OXR1: variants seen among roughly 807,000 people sequenced by gnomAD.
OXR1 encodes oxidation resistance 1, also known as oxidation resistance protein 1.
OXR1 carries 41 observed loss-of-function variants against 104.6 expected under a neutral mutation model. The observed-to-expected ratio is 0.39, with a 90% CI of 0.31 to 0.51. The LOEUF (loss-of-function observed/expected upper bound fraction) is 0.51. Among genes scored for constraint, OXR1 ranks in the 20% least tolerant of loss-of-function variants. OXR1 has a pLI of 0.77. For synonymous variants in OXR1, 348 were observed against 348.4 expected (o/e 1.00, Z 0.01); for missense variants, 955 against 1,031.9 (o/e 0.93, Z 1.02).
chr8:106,735,440 T>TC (rs1236001577), intron 11 of OXR1, among the ~76,000 whole-genome samples: 4 of 152,186 alleles, frequency 2.6e-5, no homozygotes, highest in African/African-American at 9.6e-5. Flanking sequence ...TAACTCCTAC[T>TC]CTCAGCAATG....
chr8:106,591,821 A>G (rs991815106), intron 3 of OXR1, among the ~76,000 whole-genome samples: 2 of 152,250 alleles, frequency 1.3e-5, no homozygotes, highest in African/African-American at 2.4e-5. Context: ...ACATTTTACA[A>G]TCCATTTCTC....
At chr8:106,375,109 T>C (rs2130387307) in intron 2 of OXR1, among the ~76,000 whole-genome samples, 1 of 152,360 alleles carries the variant, frequency 6.6e-6, no homozygotes, top group Non-Finnish European at 1.5e-5. Flanking sequence ...CTGAGGTTTT[T>C]ATAGTATCAT....
At chr8:106,546,250 A>T (rs539476007) in intron 3 of OXR1, among the ~76,000 whole-genome samples, 1 of 152,262 alleles carries the variant, frequency 6.6e-6, no homozygotes, top group East Asian at 1.9e-4. Context: ...GTAATTCCAC[A>T]TGGGGATATG....
chr8:106,685,733 A>G (rs1828643323), intron 6 of OXR1, among the ~76,000 whole-genome samples: 1 of 152,054 alleles, frequency 6.6e-6, no homozygotes, highest in Admixed American at 6.6e-5. Flanking sequence ...TCCTTAAAGA[A>G]CTAAAAGTAC....
At chr8:106,738,522 G>A (rs1834607766) in intron 12 of OXR1, among the ~76,000 whole-genome samples, 1 of 151,940 alleles carries the variant, frequency 6.6e-6, no homozygotes, top group Non-Finnish European at 1.5e-5. Context: ...CACAGTTGCT[G>A]AGCGTTGCTG....
chr8:106,742,266 C>T lies in OXR1; in HGVS notation c.2361C>T (p.Gly787=). The change falls in exon 15 of 17, where the codon GGC becomes GGT. Residue 787 remains glycine, a synonymous_variant. Transcript: ENST00000517566. ...CTGAGCCACTGAAAGTGAGTGATGG[C>T]TTTTATGGTACTGGAGAGACCTTTG... ...LASEPLKVSD[G]FYGTGETFVF... is the part of the protein sequence containing the mutation. 6.2e-7 allele frequency: 1 copy of T among 1,611,828 alleles called. No homozygotes were observed. The highest frequency in any genetic ancestry group is 8.5e-7 in the Non-Finnish European group (1 of 1,178,248).
At chr8:106,509,770 A>T (rs1027470749) in intron 2 of OXR1, among the ~76,000 whole-genome samples, 1 of 152,092 alleles carries the variant, frequency 6.6e-6, no homozygotes, top group African/African-American at 2.4e-5. Context: ...AGCTCCAACA[A>T]ACATTCTTTA....
At chr8:106,623,322 T>A (rs369279142) in intron 3 of OXR1, among the ~76,000 whole-genome samples, 11 of 152,104 alleles carry the variant, frequency 7.2e-5, no homozygotes, top group African/African-American at 2.2e-4. Context: ...GTATATTTTT[T>A]AAAAGCAACC....
At chr8:106,640,378 G>A (rs1187890942) in intron 3 of OXR1, among the ~76,000 whole-genome samples, 1 of 150,896 alleles carries the variant, frequency 6.6e-6, no homozygotes, top group African/African-American at 2.4e-5. Context: ...ATATGCATAT[G>A]TATATATACA....
At chr8:106,416,714 G>A (rs1246919627) in intron 2 of OXR1, among the ~76,000 whole-genome samples, 1 of 151,976 alleles carries the variant, frequency 6.6e-6, no homozygotes, top group African/African-American at 2.4e-5. Context: ...GAGGTATGAA[G>A]CATATTTGGC....
At chr8:106,509,833 G>A (rs979694473) in intron 2 of OXR1, among the ~76,000 whole-genome samples, 7 of 152,186 alleles carry the variant, frequency 4.6e-5, no homozygotes, top group African/African-American at 1.2e-4. Flanking sequence ...GTGCAGTGGC[G>A]AGATCTCAGC....
intron 12 of OXR1, among the ~76,000 whole-genome samples, chr8:106,738,941 G>T (rs1834650315): frequency 1.3e-5 from 2 of 152,026 alleles, no homozygotes; most frequent in South Asian, 2.1e-4. Flanking sequence ...ACAAATACAT[G>T]CACAACTCAC....
chr8:106,586,266 C>T (rs774316176), intron 3 of OXR1, among the ~76,000 whole-genome samples: 11 of 151,426 alleles, frequency 7.3e-5, no homozygotes, highest in Non-Finnish European at 1.5e-4. Context: ...AAAGATAGAG[C>T]GGACACATTT....
intron 3 of OXR1, among the ~76,000 whole-genome samples, chr8:106,640,437 C>T (rs935224614): frequency 2.1e-4 from 32 of 151,288 alleles, no homozygotes; most frequent in Admixed American, 2.0e-4. Flanking sequence ...TTATGATTTT[C>T]CCCTTATAAT....
At chr8:106,478,572 T>A (rs1307216993) in intron 2 of OXR1, among the ~76,000 whole-genome samples, 1 of 151,816 alleles carries the variant, frequency 6.6e-6, no homozygotes, top group Non-Finnish European at 1.5e-5. Context: ...AGTGCTTGGC[T>A]GGTAGAGAAT....
At chr8:106,533,866 CA>C (rs985030703) in intron 3 of OXR1, among the ~76,000 whole-genome samples, 1 of 152,032 alleles carries the variant, frequency 6.6e-6, no homozygotes, top group Non-Finnish European at 1.5e-5. Flanking sequence ...CATGTGCCAC[CA>C]CGCCTGACTA....
At chr8:106,530,648 A>G (rs1175244964) in intron 3 of OXR1, among the ~76,000 whole-genome samples, 1 of 152,206 alleles carries the variant, frequency 6.6e-6, no homozygotes, top group Non-Finnish European at 1.5e-5. Context: ...TACTATAGTT[A>G]AAAACTGTGA....
intron 2 of OXR1, among the ~76,000 whole-genome samples, chr8:106,426,388 C>A (rs183477944): frequency 6.6e-6 from 1 of 151,816 alleles, no homozygotes; most frequent in Admixed American, 6.6e-5. Flanking sequence ...AGATCATAAC[C>A]GAATCTATAG....
chr8:106,559,250 C>T (rs1347825992), intron 3 of OXR1, among the ~76,000 whole-genome samples: 2 of 152,180 alleles, frequency 1.3e-5, no homozygotes, highest in African/African-American at 2.4e-5. Context: ...TTCCTCATTT[C>T]CATCTGAGAT....
Sources: allele counts gnomAD v4.1 joint callset (sites outside exome capture counted in the v4.1 genomes callset), GRCh38; gene constraint gnomAD v4.1.1; transcripts MANE v1.5; gene names NCBI Gene and HGNC (gene_info 2026-07-23, HGNC 2026-07-21).